The following HOPX variants were observed in gnomAD, a reference collection of about 807,000 sequenced individuals.
HOPX encodes the protein homeodomain-only protein.
In HOPX, 5 loss-of-function variants were observed where a neutral mutation model predicts 11.8. The observed-to-expected ratio is 0.43, with a 90% CI of 0.22 to 0.89. The LOEUF (loss-of-function observed/expected upper bound fraction) is 0.89. HOPX is among the 40% of genes least tolerant of loss of function. The pLI, the probability that HOPX is intolerant of heterozygous loss-of-function variation, is 0.28. For synonymous variants in HOPX, 49 were observed against 49.7 expected, an observed-to-expected ratio of 0.99 and a Z score of 0.06; for missense variants, 119 against 120.0, an observed-to-expected ratio of 0.99 and a Z score of 0.04.
intron 3 of HOPX, among the ~76,000 whole-genome samples, chr4:56,653,204 A>AT (rs1717372236): frequency 2.0e-5 from 3 of 151,798 alleles, no homozygotes; most frequent in Non-Finnish European, 2.9e-5. Context: ...CACCTGTTTG[A>AT]TTTTTTTACT....
chr4:56,677,773 C>T (rs887189184), intron 1 of HOPX, among the ~76,000 whole-genome samples: 2 of 151,524 alleles, frequency 1.3e-5, no homozygotes, highest in African/African-American at 4.9e-5. Context: ...AAACTTCACC[C>T]ACTCATGCTT....
Position 56,656,025 on chromosome 4 carries a change from G to A in HOPX, c.43-13C>T, listed in dbSNP as rs774047802. The A allele has an allele frequency of 6.4e-7, 1 of 1,561,956 alleles. No homozygotes were observed. The highest frequency in any genetic ancestry group is 1.2e-5 in the South Asian group (1 of 85,684). On this transcript the variant is annotated splice_polypyrimidine_tract_variant and intron_variant, in intron 2 of 3. Transcript: ENST00000420433. ...TGGTCCCTGCGCGCTGCGGGGCAGG[G>A]AGAAGCGGCGGCGGTGAGCGAGGCG...
chr4:56,653,674 T>A (rs1717417482), intron 3 of HOPX, among the ~76,000 whole-genome samples: 1 of 152,176 alleles, frequency 6.6e-6, no homozygotes, highest in African/African-American at 2.4e-5. Flanking sequence ...AAGAAGGTGT[T>A]GGTCCTGTGG....
At chr4:56,665,368 T>C (rs1165775606) in intron 1 of HOPX, 1 of 152,240 alleles carries the variant, frequency 6.6e-6, no homozygotes, top group East Asian at 1.9e-4. Context: ...CAGTGTTCAT[T>C]AGGAGAGTCT....
At chr4:56,656,447 C>T in intron 2 of HOPX, 1 of 987,052 alleles carries the variant, frequency 1.0e-6, no homozygotes, top group Non-Finnish European at 1.2e-6. Context: ...ACAGACTTGA[C>T]AGATCGCGAG....
chr4:56,678,528 C>T (rs902718164), intron 1 of HOPX, among the ~76,000 whole-genome samples: 1 of 150,140 alleles, frequency 6.7e-6, no homozygotes, highest in Non-Finnish European at 1.5e-5. Flanking sequence ...TCACTGCAAC[C>T]TCTGCCTCCC....
chr4:56,663,853 C>T (rs1236513471), intron 1 of HOPX: 1 of 152,134 alleles, frequency 6.6e-6, no homozygotes, highest in Non-Finnish European at 1.5e-5. Flanking sequence ...GTCCTCCCTT[C>T]TAGGTTGGCT....
At chr4:56,655,231 C>CTCCCT (rs1717569208) in intron 3 of HOPX, among the ~76,000 whole-genome samples, 1 of 152,178 alleles carries the variant, frequency 6.6e-6, no homozygotes, top group African/African-American at 2.4e-5. Flanking sequence ...TTTAAAAAAT[C>CTCCCT]GGAACCAAAT....
intron 1 of HOPX, among the ~76,000 whole-genome samples, chr4:56,668,350 T>C (rs546136416): frequency 1.3e-5 from 2 of 152,344 alleles, no homozygotes; most frequent in East Asian, 3.9e-4. Flanking sequence ...CTGTGAACAA[T>C]AAAGAAAAAG....
At chr4:56,662,615 T>TAC (rs1184110317) in intron 1 of HOPX, 2 of 152,142 alleles carry the variant, frequency 1.3e-5, no homozygotes, top group African/African-American at 4.8e-5. Context: ...CAGCTGAGAT[T>TAC]ACAAGTGCAC....
At chr4:56,652,403 T>C (rs1717282643) in intron 3 of HOPX, among the ~76,000 whole-genome samples, 1 of 152,092 alleles carries the variant, frequency 6.6e-6, no homozygotes, top group Non-Finnish European at 1.5e-5. Context: ...TATGATTCCA[T>C]TTCTGGAGGT....
rs144656465 is a variant in HOPX at position 56,674,949 on chromosome 4, G to A, written c.-84+6306C>T. On this transcript the variant is annotated intron_variant, in intron 1 of 3. Transcript: ENST00000420433. ...AAAAAAAAAAAAATGTAGAGATGAG[G>A]CTCAAACAATCCTCCCACCTCTGCC... Among the ~76,000 whole-genome samples the A allele has an allele frequency of 7.0e-4, 105 of 149,270 alleles. 5 individuals carry two copies. The highest frequency in any genetic ancestry group is 2.6e-3 in the African/African-American group (103 of 39,880).
At chr4:56,663,618 T>G (rs2109514000) in intron 1 of HOPX, 1 of 152,248 alleles carries the variant, frequency 6.6e-6, no homozygotes, top group East Asian at 1.9e-4. Flanking sequence ...CCTGATTAGT[T>G]AGGATTACAG....
chr4:56,666,060 C>A (rs1191302530), intron 1 of HOPX, among the ~76,000 whole-genome samples: 1 of 152,102 alleles, frequency 6.6e-6, no homozygotes, highest in East Asian at 1.9e-4. Context: ...CTGAGTACTT[C>A]CCTCCCTGTG....
At chr4:56,665,257 T>A (rs1361916124) in intron 1 of HOPX, 2 of 152,214 alleles carry the variant, frequency 1.3e-5, no homozygotes, top group African/African-American at 4.8e-5. Context: ...CATGCCTGGC[T>A]GAAATTGTTT....
intron 3 of HOPX, chr4:56,651,087 C>G (rs1717126448): frequency 6.9e-6 from 2 of 290,172 alleles, no homozygotes; most frequent in Non-Finnish European, 1.3e-5. Context: ...GGAGGAAAAT[C>G]TCACTTTCTA....
At chr4:56,666,150 C>T (rs764873929) in intron 1 of HOPX, among the ~76,000 whole-genome samples, 4 of 152,116 alleles carry the variant, frequency 2.6e-5, no homozygotes, top group Admixed American at 6.6e-5. Context: ...TTAAAACCAC[C>T]GGCACTACCA....
chr4:56,672,880 T>G (rs992215229), intron 1 of HOPX: 1 of 152,202 alleles, frequency 6.6e-6, no homozygotes, highest in Non-Finnish European at 1.5e-5. Context: ...TGTGCTCTTT[T>G]AGTTCTAGAA....
At chr4:56,671,280 G>A (rs537772956) in intron 1 of HOPX, among the ~76,000 whole-genome samples, 1 of 151,988 alleles carries the variant, frequency 6.6e-6, no homozygotes, top group African/African-American at 2.4e-5. Context: ...ACCATGGGTA[G>A]ATTTTCAGGC....
Sources: gnomAD v4.1 joint callset for allele counts (sites outside exome capture counted in the v4.1 genomes callset) on GRCh38, gnomAD v4.1.1 for gene constraint, MANE v1.5 for transcripts, NCBI Gene and HGNC (gene_info 2026-07-23, HGNC 2026-07-21) for gene names.